CPM: variants seen among roughly 807,000 people sequenced by gnomAD.
CPM encodes renal carboxypeptidase.
In CPM, 35 loss-of-function variants were observed where a neutral mutation model predicts 46.4. That is an observed-to-expected ratio of 0.75 (90% CI 0.58 to 1.00). The LOEUF (loss-of-function observed/expected upper bound fraction) is 1.00. Among genes scored for constraint, CPM ranks in the 50% least tolerant of loss-of-function variants. CPM has a pLI of 0.00. For missense variants in CPM, 422 were observed against 530.4 expected (o/e 0.80, Z 2.01); for synonymous variants, 195 against 195.3 (o/e 1.00, Z 0.01).
intron 3 of CPM, among the ~76,000 whole-genome samples, chr12:68,879,870 C>T (rs1886112450): frequency 2.0e-5 from 3 of 152,154 alleles, no homozygotes; most frequent in African/African-American, 7.2e-5. Flanking sequence ...TCTGCATCCA[C>T]ATTTAGGCTG....
chr12:68,883,185 T>C (rs1053622977), intron 3 of CPM, among the ~76,000 whole-genome samples: 3 of 152,186 alleles, frequency 2.0e-5, no homozygotes, highest in African/African-American at 7.2e-5. Flanking sequence ...GTCAAATTTA[T>C]AACAGAATAG....
At chr12:68,942,673 A>G (rs1888783205) in intron 1 of CPM, among the ~76,000 whole-genome samples, 1 of 152,254 alleles carries the variant, frequency 6.6e-6, no homozygotes, top group Non-Finnish European at 1.5e-5. Flanking sequence ...ACATTCTACA[A>G]GAGCCAAAAA....
chr12:68,955,993 C>A (rs1308320322), intron 1 of CPM, among the ~76,000 whole-genome samples: 1 of 152,164 alleles, frequency 6.6e-6, no homozygotes, highest in Admixed American at 6.5e-5. Context: ...CCTTTCCACC[C>A]AGGAGCCTGT....
chr12:68,907,956 G>A (rs1371117764), intron 2 of CPM, among the ~76,000 whole-genome samples: 1 of 152,162 alleles, frequency 6.6e-6, no homozygotes, highest in Non-Finnish European at 1.5e-5. Context: ...AGCTTCCCAA[G>A]TAGCTGGGAT....
intron 1 of CPM, among the ~76,000 whole-genome samples, chr12:68,962,210 A>AAAAAAAAC (rs1555203346): frequency 3.2e-4 from 47 of 146,036 alleles, no homozygotes; most frequent in African/African-American, 1.1e-3. Context: ...AAAAAAAAAA[A>AAAAAAAAC]AAAAAAAACC....
chr12:68,881,261 C>T (rs1397556306), intron 3 of CPM, among the ~76,000 whole-genome samples: 1 of 152,168 alleles, frequency 6.6e-6, no homozygotes, highest in Non-Finnish European at 1.5e-5. Flanking sequence ...ACTAGAGGTA[C>T]AACTGCAGTG....
At chr12:68,859,320 C>T (rs1303100144) in intron 7 of CPM, among the ~76,000 whole-genome samples, 1 of 152,164 alleles carries the variant, frequency 6.6e-6, no homozygotes, top group Admixed American at 6.5e-5. Flanking sequence ...CGTATTATCA[C>T]AGTGAGAGAA....
At chr12:68,862,202 ACCCTCATTCGTCATC>A (rs1885246521) in intron 7 of CPM, among the ~76,000 whole-genome samples, 1 of 139,026 alleles carries the variant, frequency 7.2e-6, no homozygotes, top group African/African-American at 2.8e-5. Flanking sequence ...TTCCAGTTTG[ACCCTCATTCGTCATC>A]CCCTAATAAC....
At chr12:68,910,623 G>T (rs1479528052) in intron 2 of CPM, among the ~76,000 whole-genome samples, 1 of 152,078 alleles carries the variant, frequency 6.6e-6, no homozygotes, top group Non-Finnish European at 1.5e-5. Context: ...AAGTATACAA[G>T]TCACTAGTTT....
At chr12:68,884,373 GTGCT>G in intron 3 of CPM, among the ~76,000 whole-genome samples, 1 of 152,306 alleles carries the variant, frequency 6.6e-6, no homozygotes, top group East Asian at 1.9e-4. Context: ...CTAGGGGCAG[GTGCT>G]TGCATCTTAG....
chr12:68,844,831 A>G (rs985619129), intron 5 of CPM: 2 of 201,272 alleles, frequency 9.9e-6, no homozygotes, highest in Non-Finnish European at 2.0e-5. Context: ...CAGTGGTGCA[A>G]TCTTGGCTCA....
intron 3 of CPM, among the ~76,000 whole-genome samples, chr12:68,882,536 A>G (rs888837866): frequency 1.3e-5 from 2 of 152,138 alleles, no homozygotes; most frequent in African/African-American, 2.4e-5. Flanking sequence ...CATACGTGTG[A>G]ATGTGTCTTT....
At chr12:68,922,527 C>T (rs1372192436) in intron 2 of CPM, among the ~76,000 whole-genome samples, 1 of 152,184 alleles carries the variant, frequency 6.6e-6, no homozygotes, top group Non-Finnish European at 1.5e-5. Flanking sequence ...CCTTTGTATC[C>T]CCACTGTCAA....
intron 5 of CPM, chr12:68,842,804 GATTTTA>G (rs1433050095): frequency 1.0e-5 from 2 of 195,906 alleles, no homozygotes; most frequent in African/African-American, 4.6e-5. Flanking sequence ...CTTTTATTTT[GATTTTA>G]ATATTTCTTA....
intron 1 of CPM, among the ~76,000 whole-genome samples, chr12:68,959,277 A>G (rs1451700153): frequency 1.3e-5 from 2 of 152,226 alleles, no homozygotes; most frequent in East Asian, 3.8e-4. Flanking sequence ...TCTTTTAGAA[A>G]GAGCCAGTCC....
At chr12:68,859,210 A>G (rs1464290035) in intron 7 of CPM, 139 bp from the exon 8 acceptor site, 1 of 441,392 alleles carries the variant, frequency 2.3e-6, no homozygotes, top group East Asian at 3.8e-5. Flanking sequence ...TTAGAGAGGG[A>G]AAAAACTTAT....
chr12:68,936,555 T>C (rs1446716817), upstream of CPM, among the ~76,000 whole-genome samples: 3 of 152,110 alleles, frequency 2.0e-5, no homozygotes, highest in African/African-American at 4.8e-5. Context: ...GGCTAATTTT[T>C]GTATTTTTAG....
At chr12:68,931,017 T>C (rs777301753) in intron 2 of CPM, among the ~76,000 whole-genome samples, 27 of 152,326 alleles carry the variant, frequency 1.8e-4, no homozygotes, top group Admixed American at 4.6e-4. Context: ...GGAAAAATGA[T>C]TTCAGAAGGC....
At chr12:68,912,604 A>G (rs897768661) in intron 2 of CPM, among the ~76,000 whole-genome samples, 4 of 152,182 alleles carry the variant, frequency 2.6e-5, no homozygotes, top group Admixed American at 1.3e-4. Context: ...TTCTAAGATC[A>G]CACCATGACC....
Sources: allele counts gnomAD v4.1 joint callset (sites outside exome capture counted in the v4.1 genomes callset), GRCh38; gene constraint gnomAD v4.1.1; transcripts MANE v1.5; gene names NCBI Gene and HGNC (gene_info 2026-07-23, HGNC 2026-07-21).